SYNC: variants seen among roughly 807,000 people sequenced by gnomAD.
The protein encoded by SYNC is syncoilin, intermediate filament protein.
In SYNC, 38 loss-of-function variants were observed where a neutral mutation model predicts 49.5. The ratio of observed to expected loss-of-function variants is 0.77; its 90% confidence interval spans 0.59 to 1.01. SYNC has a LOEUF of 1.01. SYNC is among the 50% of genes least tolerant of loss of function. The probability of loss-of-function intolerance (pLI) is 0.00; values close to 1 mark genes in which losing one functional copy is unlikely to be tolerated. For missense variants in SYNC, 579 were observed against 580.6 expected (o/e 1.00, Z 0.03); for synonymous variants, 201 against 230.8 (o/e 0.87, Z 1.17).
Position 32,683,965 on chromosome 1 carries a change from AAG to A in SYNC, c.1438+43_1438+44del, listed in dbSNP as rs765101867. ...AAGGCATTAATTAGTATTGTTAGGA[AAG>A]CAGTAACAATGCAAACACCACTCTT... On this transcript the variant is annotated intron_variant, in intron 4 of 4. Coordinates refer to ENST00000409190, the MANE Select transcript of SYNC (RefSeq NM_030786.3). The A allele has an allele frequency of 5.7e-5, 89 of 1,564,430 alleles. 1 individual carries two copies. The South Asian group carries it at 9.7e-4, about 17-fold the overall frequency.
chr1:32,697,183 T>C (rs974358649), intron 1 of SYNC, among the ~76,000 whole-genome samples: 2 of 152,038 alleles, frequency 1.3e-5, no homozygotes, highest in African/African-American at 4.8e-5. Flanking sequence ...GGCTCACACC[T>C]GTAATCTCAG....
chr1:32,701,352 C>T (rs779928110), intron 1 of SYNC, among the ~76,000 whole-genome samples: 19 of 152,198 alleles, frequency 1.2e-4, no homozygotes, highest in Non-Finnish European at 2.8e-4. Context: ...CATCTTCACA[C>T]TTATTGCTCC....
chr1:32,701,692 A>G (rs775383243), intron 1 of SYNC, among the ~76,000 whole-genome samples: 2 of 152,148 alleles, frequency 1.3e-5, no homozygotes, highest in Non-Finnish European at 2.9e-5. Context: ...CAGGAGGCTC[A>G]GAGGAGAGGA....
At chr1:32,698,286 A>C (rs1292287867) in intron 1 of SYNC, among the ~76,000 whole-genome samples, 3 of 150,936 alleles carry the variant, frequency 2.0e-5, no homozygotes, top group Non-Finnish European at 4.4e-5. Context: ...TGGGAGGCTG[A>C]GGCAGGCGGA....
chr1:32,692,285 C>T (rs1051695615), intron 2 of SYNC, among the ~76,000 whole-genome samples: 2 of 152,136 alleles, frequency 1.3e-5, no homozygotes, highest in East Asian at 3.9e-4. Flanking sequence ...TTACCTGCAC[C>T]TCTCATAAAT....
At chr1:32,696,948 A>G (rs1362491238) in intron 1 of SYNC, among the ~76,000 whole-genome samples, 4 of 151,044 alleles carry the variant, frequency 2.6e-5, no homozygotes, top group Non-Finnish European at 5.9e-5. Context: ...GGGTTTTACC[A>G]TGTTGGCCAG....
At chr1:32,689,235 C>CGTTTTTTTTTT (rs1650041119) in intron 2 of SYNC, among the ~76,000 whole-genome samples, 1 of 41,520 alleles carries the variant, frequency 2.4e-5, no homozygotes, top group Non-Finnish European at 4.9e-5. Flanking sequence ...CTCGCCTGGC[C>CGTTTTTTTTTT]TTTTTTTTTT....
At chr1:32,688,827 C>T (rs1339522689) in intron 2 of SYNC, among the ~76,000 whole-genome samples, 2 of 151,988 alleles carry the variant, frequency 1.3e-5, no homozygotes, top group African/African-American at 2.4e-5. Flanking sequence ...ATGATCCACT[C>T]GCCTCTGCCT....
chr1:32,702,577 G>C lies in SYNC; in HGVS notation c.53+31C>G. 1 of 1,217,862 alleles carries C rather than the reference G, an allele frequency of 8.2e-7. No individual in the cohort carries two copies. 75.4% of individuals were successfully genotyped at this position (1,217,862 alleles called of 1,614,324 possible). On this transcript the variant is annotated intron_variant, in intron 1 of 4. Coordinates refer to ENST00000409190, the MANE Select transcript of SYNC (RefSeq NM_030786.3). This position sits in a 1 kb window ranked among gnomAD's most constrained non-coding sequence, Gnocchi z 6.2. ...GTCCAGCAGCACCCCTTCCCCAGCG[G>C]GGCGGCGACGCGGGCCCGGCACTGT...
In SYNC at chr1:32,695,385, T is replaced by G; in HGVS notation, c.713A>C (p.Glu238Ala). The change falls in exon 2 of 5, where the codon GAG becomes GCG. Residue 238 changes from glutamate (E) to alanine (A), a missense_variant. Transcript: ENST00000409190. ...AAGCTTCTGCTTGACCAGCCGGATCTCCTCCCTTAGGCCATCTCTCTCCAG... is the reference window on the plus strand; with the variant it reads ...AAGCTTCTGCTTGACCAGCCGGATCGCCTCCCTTAGGCCATCTCTCTCCAG... Reference protein sequence around the residue: ...AELERDGLREEIRLVKQKLFK... With the variant: ...AELERDGLREAIRLVKQKLFK... 6.4e-7 allele frequency: 1 copy of G among 1,551,606 alleles called. No individual in the cohort carries two copies. The highest frequency in any genetic ancestry group is 8.7e-7 in the Non-Finnish European group (1 of 1,147,052).
At chr1:32,702,795 C>T (rs993105163), upstream of SYNC, 11 of 764,692 alleles carry the variant, frequency 1.4e-5, no homozygotes, top group African/African-American at 2.1e-4. This position sits in a 1 kb window ranked among gnomAD's most constrained non-coding sequence, Gnocchi z 6.2. Flanking sequence ...CGGGCGCGCC[C>T]ACTTGGCCGG....
chr1:32,694,986 A>G lies in SYNC; in HGVS notation c.1112T>C (p.Met371Thr), dbSNP rs1302305116. The G allele has an allele frequency of 1.9e-6, 3 of 1,613,588 alleles. No homozygotes were observed. The highest frequency in any genetic ancestry group is 2.5e-6 in the Non-Finnish European group (3 of 1,179,950). ...LQRTQAEIQEMKEALRPLQAE... is the reference protein window; with the variant it reads ...LQRTQAEIQETKEALRPLQAE... The stretch of plus-strand genomic sequence containing the variant: ...TTGCAGGGGTCTCAGAGCCTCCTTC[A>G]TTTCCTGGATCTCAGCCTGGGTTCT... The change falls in exon 2 of 5, where the codon ATG (methionine) becomes ACG (threonine). Residue 371 changes from methionine to threonine, a missense_variant. Physicochemically the swap from Met to Thr is moderately conservative, Grantham distance 81 (BLOSUM62 -1). Coordinates refer to ENST00000409190, the MANE Select transcript of SYNC (RefSeq NM_030786.3).
chr1:32,698,706 G>C (rs147431820), intron 1 of SYNC, among the ~76,000 whole-genome samples: 2 of 151,980 alleles, frequency 1.3e-5, no homozygotes, highest in African/African-American at 2.4e-5. Context: ...GTTCCCACTG[G>C]GGAGTGTTCT....
In SYNC at chr1:32,684,340, T is replaced by G. The variant is rs1193695864; in HGVS notation, c.1276A>C (p.Asn426His). ...EMEERQRQLR[N>H]GVQLQQQKNK... is the part of the protein sequence containing the mutation. Reference sequence around the variant, plus strand: ...TTCTGTTGCTGGAGTTGCACCCCATTTCTTAACTGCCTCTGGCGTTCTTCC... The same window carrying G: ...TTCTGTTGCTGGAGTTGCACCCCATGTCTTAACTGCCTCTGGCGTTCTTCC... The change falls in exon 3 of 5, where the codon AAT becomes CAT. Residue 426 changes from asparagine (N) to histidine (H), a missense_variant. Asn to His is a moderately conservative substitution (Grantham distance 68, BLOSUM62 1). Transcript: ENST00000409190. The G allele has an allele frequency of 2.5e-6, 4 of 1,614,226 alleles. No individual in the cohort carries two copies. The highest frequency in any genetic ancestry group is 1.7e-6 in the Non-Finnish European group (2 of 1,180,044).
At chr1:32,696,494 C>T (rs966847638) in intron 1 of SYNC, among the ~76,000 whole-genome samples, 14 of 151,882 alleles carry the variant, frequency 9.2e-5, no homozygotes, top group Non-Finnish European at 1.9e-4. Context: ...TGTTGCCAGG[C>T]TGGAATGCAG....
At position 32,694,996 on chromosome 1, in the gene SYNC, T is replaced by C; in HGVS notation, c.1102A>G (p.Ile368Val). 1 of 1,614,056 alleles carries C rather than the reference T, an allele frequency of 6.2e-7. No individual in the cohort carries two copies. The highest frequency in any genetic ancestry group is 8.5e-7 in the Non-Finnish European group (1 of 1,180,018). Residue 368 changes from isoleucine to valine, a missense_variant, in exon 2 of 5, where the codon ATC becomes GTC. Transcript: ENST00000409190. ...CTCAGAGCCTCCTTCATTTCCTGGA[T>C]CTCAGCCTGGGTTCTCTGCAGAGCT... ...TKALQRTQAE[I>V]QEMKEALRPL...
chr1:32,689,150 A>G (rs1434171516), intron 2 of SYNC, among the ~76,000 whole-genome samples: 1 of 146,196 alleles, frequency 6.8e-6, no homozygotes, highest in Non-Finnish European at 1.5e-5. Flanking sequence ...CATGTTGGCC[A>G]GGATGGTCTC....
In SYNC at chr1:32,679,991, C is replaced by T. The variant is rs570996981; in HGVS notation, c.*1859G>A. The T allele has an allele frequency of 1.0e-5, 12 of 1,175,494 alleles. No individual in the cohort carries two copies. In the East Asian group the frequency reaches 3.9e-4, roughly 38 times the overall value. 72.8% of individuals were successfully genotyped at this position (1,175,494 alleles called of 1,614,324 possible). Reference sequence around the variant, plus strand: ...AATATTATGTGTGATTATTTTTCTTCTTATGCTATATCCCCAAGTTTTTCA... The same window carrying T: ...AATATTATGTGTGATTATTTTTCTTTTTATGCTATATCCCCAAGTTTTTCA... On this transcript the variant is annotated 3_prime_UTR_variant, in exon 5 of 5. Coordinates refer to ENST00000409190, the MANE Select transcript of SYNC (RefSeq NM_030786.3).
chr1:32,703,563 C>G (rs562998802), upstream of SYNC: 3 of 152,258 alleles, frequency 2.0e-5, no homozygotes, highest in Non-Finnish European at 2.9e-5. Flanking sequence ...GGGCTTCAGG[C>G]GTTCTTCCTT....
Sources: allele counts gnomAD v4.1 joint callset (sites outside exome capture counted in the v4.1 genomes callset), GRCh38; gene constraint gnomAD v4.1.1; non-coding constraint Gnocchi (gnomAD v3.1); transcripts MANE v1.5; gene names NCBI Gene and HGNC (gene_info 2026-07-23, HGNC 2026-07-21).